GRK5: variants seen among roughly 807,000 people sequenced by gnomAD.
The protein encoded by GRK5 is g protein-coupled receptor kinase GRK5.
In GRK5, 40 loss-of-function variants were observed where a neutral mutation model predicts 78.4. The observed-to-expected ratio is 0.51, with a 90% CI of 0.40 to 0.66. The LOEUF is 0.66. Ranked by LOEUF, GRK5 falls within the 30% of genes least tolerant of loss-of-function variation. The pLI is 0.00. For synonymous variants in GRK5, 289 were observed against 296.8 expected, an observed-to-expected ratio of 0.97 and a Z score of 0.27; for missense variants, 598 against 759.9, an observed-to-expected ratio of 0.79 and a Z score of 2.50.
chr10:119,414,002 C>T lies in GRK5; in HGVS notation c.340-9164C>T, dbSNP rs552934542. ...GAGTGCCCCTCCTCTGTTCCCGCCC[C>T]GGAGGAGAAATGAGGGTGGCCTCCC... On this transcript the variant is annotated intron_variant, in intron 4 of 15. Transcript: ENST00000392870. 1.1e-4 allele frequency among the ~76,000 whole-genome samples: 17 copies of T among 152,300 alleles called. No individual in the cohort carries two copies. The South Asian group carries it at 1.9e-3, about 17-fold the overall frequency.
In GRK5 at chr10:119,280,467, G is replaced by T. The variant is rs537845782; in HGVS notation, c.53-46049G>T. Among the ~76,000 whole-genome samples, 9 of 152,312 alleles carry T rather than the reference G, an allele frequency of 5.9e-5. No homozygotes were observed. In the East Asian group the frequency reaches 1.7e-3, roughly 29 times the overall value. On this transcript the variant is annotated intron_variant, in intron 1 of 15. Coordinates refer to ENST00000392870, the MANE Select transcript of GRK5 (RefSeq NM_005308.3). ...TCCATCCCTCTGCCATCCTCCATAG[G>T]TGGTTCTGATGGCTCTGGTCAGCTG...
At chr10:119,334,860 T>G (rs1193657299) in intron 2 of GRK5, 3 of 151,922 alleles carry the variant, frequency 2.0e-5, no homozygotes, top group Non-Finnish European at 4.4e-5. Context: ...AAGTAGCTGC[T>G]GCGTCTGGCG....
chr10:119,312,564 C>G (rs948263228), intron 1 of GRK5, among the ~76,000 whole-genome samples: 5 of 152,172 alleles, frequency 3.3e-5, no homozygotes, highest in African/African-American at 1.2e-4. Context: ...TGGCCCTTTG[C>G]AGAAAAAATC....
chr10:119,365,174 CAT>C (rs1283873116), intron 2 of GRK5, among the ~76,000 whole-genome samples: 1 of 152,190 alleles, frequency 6.6e-6, no homozygotes, highest in Non-Finnish European at 1.5e-5. Flanking sequence ...GAGAAACGCA[CAT>C]GTTTTAGGTT....
At chr10:119,332,495 C>T (rs574434767) in intron 2 of GRK5, among the ~76,000 whole-genome samples, 52 of 152,282 alleles carry the variant, frequency 3.4e-4, no homozygotes, top group Non-Finnish European at 5.0e-4. Flanking sequence ...TGATTTCTGC[C>T]GGTGACAAGT....
At chr10:119,312,427 G>T (rs757774016) in intron 1 of GRK5, among the ~76,000 whole-genome samples, 1 of 152,168 alleles carries the variant, frequency 6.6e-6, no homozygotes. Flanking sequence ...CCAGAGCAGC[G>T]AGAATGAGAC....
At position 119,260,215 on chromosome 10, in the gene GRK5, A is replaced by G. The variant is rs897618050; in HGVS notation, c.52+52246A>G. ...ATGGGGTTTCATCGTGTTAGCCAGG[A>G]TGGTCTCGATCTCCTGACCTCGTGA... On this transcript the variant is annotated intron_variant, in intron 1 of 15. Coordinates refer to ENST00000392870, the MANE Select transcript of GRK5 (RefSeq NM_005308.3). Among the ~76,000 whole-genome samples, 7 of 152,118 alleles carry G rather than the reference A, an allele frequency of 4.6e-5. No individual in the cohort carries two copies. In the East Asian group the frequency reaches 1.4e-3, roughly 29 times the overall value.
chr10:119,349,745 T>TCTC (rs1196850356), intron 2 of GRK5, among the ~76,000 whole-genome samples: 2 of 152,146 alleles, frequency 1.3e-5, no homozygotes, highest in Admixed American at 1.3e-4. Context: ...GAAAGCCGGA[T>TCTC]CTCCCATCCA....
rs1035690879 is a variant in GRK5, at chr10:119,217,567, A to T, written c.52+9598A>T. ...CTCTTGCGTTATTTTTCCCCTCAGCATGGCTAGTGGCCAACGAATTGCCCC... is the reference window on the plus strand; with the variant it reads ...CTCTTGCGTTATTTTTCCCCTCAGCTTGGCTAGTGGCCAACGAATTGCCCC... On this transcript the variant is annotated intron_variant, in intron 1 of 15. Coordinates refer to ENST00000392870, the MANE Select transcript of GRK5 (RefSeq NM_005308.3). The surrounding 1 kb of genome is among the most constrained non-coding windows in gnomAD (Gnocchi z 4.1). Among the ~76,000 whole-genome samples the T allele has an allele frequency of 2.6e-5, 4 of 152,208 alleles. No individual in the cohort carries two copies. The highest frequency in any genetic ancestry group is 6.5e-5 in the Admixed American group (1 of 15,282).
chr10:119,320,484 G>T (rs1236679478), intron 1 of GRK5, among the ~76,000 whole-genome samples: 1 of 152,242 alleles, frequency 6.6e-6, no homozygotes, highest in African/African-American at 2.4e-5. Flanking sequence ...AAGCTGATGT[G>T]CAGTTCAACA....
chr10:119,255,689 CT>C (rs577360282), intron 1 of GRK5, among the ~76,000 whole-genome samples: 87 of 152,374 alleles, frequency 5.7e-4, no homozygotes, highest in African/African-American at 2.0e-3. Flanking sequence ...CTGCTGCCCC[CT>C]GTCCTGGTGT....
chr10:119,449,412 G>T (rs1007150896), intron 13 of GRK5, among the ~76,000 whole-genome samples: 2 of 152,172 alleles, frequency 1.3e-5, no homozygotes, highest in African/African-American at 4.8e-5. Context: ...CAGTGTCCAT[G>T]GCAACCACAC....
intron 3 of GRK5, among the ~76,000 whole-genome samples, chr10:119,384,610 T>C (rs1421218783): frequency 6.6e-6 from 1 of 152,220 alleles, no homozygotes; most frequent in Non-Finnish European, 1.5e-5. Context: ...TGCCTGTTCC[T>C]CCACTAGCCA....
intron 2 of GRK5, among the ~76,000 whole-genome samples, chr10:119,367,003 C>T (rs1346591728): frequency 6.6e-6 from 1 of 152,156 alleles, no homozygotes; most frequent in African/African-American, 2.4e-5. Context: ...TTCTGGAAGG[C>T]TGTTGTGAGG....
chr10:119,429,769 TG>T (rs1852777551), intron 6 of GRK5, among the ~76,000 whole-genome samples: 1 of 151,992 alleles, frequency 6.6e-6, no homozygotes, highest in Non-Finnish European at 1.5e-5. Flanking sequence ...TGGGAACCAA[TG>T]GTAAAGATCC....
intron 2 of GRK5, among the ~76,000 whole-genome samples, chr10:119,337,985 T>G (rs1008840562): frequency 6.6e-6 from 1 of 152,180 alleles, no homozygotes; most frequent in South Asian, 2.1e-4. Flanking sequence ...AATGACCTCA[T>G]TTTAACTTGA....
At chr10:119,434,559 C>T (rs1183144695) in intron 8 of GRK5, among the ~76,000 whole-genome samples, 3 of 152,252 alleles carry the variant, frequency 2.0e-5, no homozygotes, top group Admixed American at 6.5e-5. Context: ...ATCTCTTTGA[C>T]CTCATGTCTC....
chr10:119,235,683 C>A (rs1410586606), intron 1 of GRK5, among the ~76,000 whole-genome samples: 1 of 151,750 alleles, frequency 6.6e-6, no homozygotes, highest in African/African-American at 2.4e-5. Flanking sequence ...TTTTTTTTTC[C>A]TTTTTGAAAA....
chr10:119,412,912 A>G lies in GRK5; in HGVS notation c.340-10254A>G, dbSNP rs1852373453. Among the ~76,000 whole-genome samples, 1 of 152,148 alleles carries G rather than the reference A, an allele frequency of 6.6e-6. No homozygotes were observed. Among genetic ancestry groups the G allele is most frequent in the African/African-American group, 2.4e-5 (1 of 41,430 alleles). ...TGGGTGAGCAGGGCTGAGTGAGCTCAGGGAATCGGAGCTCGGCGAGACGAG... is the reference window on the plus strand; with the variant it reads ...TGGGTGAGCAGGGCTGAGTGAGCTCGGGGAATCGGAGCTCGGCGAGACGAG... On this transcript the variant is annotated intron_variant, in intron 4 of 15. Transcript: ENST00000392870. The surrounding 1 kb of genome is among the most constrained non-coding windows in gnomAD (Gnocchi z 4.3).
Sources: allele counts gnomAD v4.1 joint callset (sites outside exome capture counted in the v4.1 genomes callset), GRCh38; gene constraint gnomAD v4.1.1; non-coding constraint Gnocchi (gnomAD v3.1); transcripts MANE v1.5; gene names NCBI Gene and HGNC (gene_info 2026-07-23, HGNC 2026-07-21).